LDLRAD4: variants seen among roughly 807,000 people sequenced by gnomAD.
The protein encoded by LDLRAD4 is low-density lipoprotein receptor class A domain-containing protein 4.
A neutral mutation model predicts 17.0 loss-of-function variants in LDLRAD4; 5 were observed. That is an observed-to-expected ratio of 0.29 (90% CI 0.15 to 0.62). The LOEUF is 0.62. LDLRAD4 is among the 20% of genes least tolerant of loss of function. The pLI, the probability that LDLRAD4 is intolerant of heterozygous loss-of-function variation, is 0.84. For missense variants in LDLRAD4, 340 were observed against 424.7 expected, an observed-to-expected ratio of 0.80 and a Z score of 1.75; for synonymous variants, 168 against 171.8, an observed-to-expected ratio of 0.98 and a Z score of 0.17.
At position 13,611,157 on chromosome 18, in the gene LDLRAD4, G is replaced by GAC. The variant is rs372307345; in HGVS notation, c.182-9959_182-9958dup. The GAC allele has an allele frequency of 2.0e-3, 304 of 154,496 alleles. 2 individuals are homozygous for GAC. The highest frequency in any genetic ancestry group is 6.8e-3 in the African/African-American group (285 of 41,662). The allele number at this position is 154,496 out of a possible 1,614,324, so 9.6% of individuals were successfully genotyped here. A position where few individuals can be genotyped will look rare whatever the true frequency, so the allele number is the denominator to read the frequency against. On this transcript the variant is annotated intron_variant, in intron 3 of 5. Transcript: ENST00000359446. ...CAGTCCCTGCTGTCATGCCCCAGGT[G>GAC]ACGTGCTGGGCTGACAGCAGGGCTG...
At chr18:13,349,652 C>T (rs910950225) in intron 1 of LDLRAD4, among the ~76,000 whole-genome samples, 2 of 152,108 alleles carry the variant, frequency 1.3e-5, no homozygotes, top group African/African-American at 4.8e-5. Context: ...TTCTGGGATA[C>T]AAGTGCAGAA....
chr18:13,417,548 T>G (rs1053285175), intron 2 of LDLRAD4, among the ~76,000 whole-genome samples: 12 of 151,724 alleles, frequency 7.9e-5, no homozygotes, highest in Admixed American at 7.2e-4. Flanking sequence ...TTCTCCTGCC[T>G]CAGCCTTCCA....
chr18:13,424,871 G>A (rs2089799117), intron 2 of LDLRAD4, among the ~76,000 whole-genome samples: 1 of 152,130 alleles, frequency 6.6e-6, no homozygotes, highest in Admixed American at 6.5e-5. Flanking sequence ...GAAGATGCTC[G>A]GGACCACATG....
intron 3 of LDLRAD4, among the ~76,000 whole-genome samples, chr18:13,451,981 C>T (rs761643695): frequency 1.3e-5 from 2 of 152,158 alleles, no homozygotes; most frequent in Non-Finnish European, 2.9e-5. Context: ...TCCACTAGAC[C>T]CTGTCCTCAC....
At chr18:13,475,343 C>A (rs567906232) in intron 3 of LDLRAD4, among the ~76,000 whole-genome samples, 1 of 152,040 alleles carries the variant, frequency 6.6e-6, no homozygotes, top group Non-Finnish European at 1.5e-5. Flanking sequence ...TTCACTGCAG[C>A]TTTGATCTCC....
At chr18:13,352,211 G>C (rs550733301) in intron 1 of LDLRAD4, among the ~76,000 whole-genome samples, 1 of 152,186 alleles carries the variant, frequency 6.6e-6, no homozygotes, top group African/African-American at 2.4e-5. Flanking sequence ...CACAAGACAA[G>C]GATACCCTTT....
intron 3 of LDLRAD4, among the ~76,000 whole-genome samples, chr18:13,544,185 C>A (rs1052238214): frequency 4.6e-5 from 7 of 152,216 alleles, no homozygotes; most frequent in African/African-American, 1.7e-4. Flanking sequence ...TAGTGAAAAA[C>A]GTGTTGATTG....
At chr18:13,247,930 T>C (rs2145780421) in intron 1 of LDLRAD4, among the ~76,000 whole-genome samples, 1 of 149,938 alleles carries the variant, frequency 6.7e-6, no homozygotes, top group South Asian at 2.1e-4. Flanking sequence ...TCAGAAAACC[T>C]GTCCAACTGC....
intron 2 of LDLRAD4, among the ~76,000 whole-genome samples, chr18:13,431,244 A>G (rs2090314816): frequency 6.6e-6 from 1 of 152,156 alleles, no homozygotes; most frequent in Non-Finnish European, 1.5e-5. Flanking sequence ...CTCTTCTCCC[A>G]TGTCCATTGC....
At chr18:13,380,646 C>T (rs879372649) in intron 1 of LDLRAD4, among the ~76,000 whole-genome samples, 1 of 152,190 alleles carries the variant, frequency 6.6e-6, no homozygotes, top group Non-Finnish European at 1.5e-5. Flanking sequence ...TTGAATATAG[C>T]CTCAGGATTT....
chr18:13,250,099 C>T (rs1364294618), intron 1 of LDLRAD4, among the ~76,000 whole-genome samples: 1 of 152,158 alleles, frequency 6.6e-6, no homozygotes, highest in African/African-American at 2.4e-5. Flanking sequence ...GTGTTCTTGG[C>T]CTCTTTGTCA....
At chr18:13,315,670 G>C (rs373327785) in intron 1 of LDLRAD4, among the ~76,000 whole-genome samples, 1 of 128,856 alleles carries the variant, frequency 7.8e-6, no homozygotes, top group Non-Finnish European at 1.6e-5. Flanking sequence ...TGTAATCCCA[G>C]CTACTTGGGA....
chr18:13,306,121 A>C (rs934489916), intron 1 of LDLRAD4, among the ~76,000 whole-genome samples: 1 of 152,254 alleles, frequency 6.6e-6, no homozygotes, highest in South Asian at 2.1e-4. Flanking sequence ...AGGTTTATAA[A>C]TGCAGATGAA....
intron 2 of LDLRAD4, among the ~76,000 whole-genome samples, chr18:13,414,526 C>T (rs1207102128): frequency 6.6e-6 from 1 of 152,258 alleles, no homozygotes; most frequent in African/African-American, 2.4e-5. Flanking sequence ...TTACTAATTA[C>T]ACGATTAACT....
chr18:13,252,449 C>T (rs1412266883), intron 1 of LDLRAD4, among the ~76,000 whole-genome samples: 1 of 152,230 alleles, frequency 6.6e-6, no homozygotes, highest in Admixed American at 6.5e-5. Flanking sequence ...ATTCACTGTG[C>T]ACACTTGGCC....
chr18:13,612,117 G>A, intron 3 of LDLRAD4: 1 of 985,760 alleles, frequency 1.0e-6, no homozygotes, highest in African/African-American at 1.7e-5. Flanking sequence ...AGAGATCAAG[G>A]GAAGGAGTAT....
intron 1 of LDLRAD4, among the ~76,000 whole-genome samples, chr18:13,356,730 C>T (rs1053970048): frequency 5.3e-5 from 8 of 152,182 alleles, no homozygotes; most frequent in African/African-American, 1.9e-4. Context: ...TTCCTCCCTC[C>T]AGGAGCACCC....
chr18:13,592,042 G>A (rs1418983794), intron 3 of LDLRAD4, among the ~76,000 whole-genome samples: 1 of 152,196 alleles, frequency 6.6e-6, no homozygotes, highest in Non-Finnish European at 1.5e-5. Flanking sequence ...AGCCAAAGGT[G>A]CACATGTGTC....
At chr18:13,396,238 G>A (rs940166469) in intron 2 of LDLRAD4, among the ~76,000 whole-genome samples, 3 of 152,018 alleles carry the variant, frequency 2.0e-5, no homozygotes, top group African/African-American at 4.8e-5. Context: ...GATTTCCTAG[G>A]GGCAAAAAAA....
Sources: allele counts gnomAD v4.1 joint callset (sites outside exome capture counted in the v4.1 genomes callset), GRCh38; gene constraint gnomAD v4.1.1; transcripts MANE v1.5; gene names NCBI Gene and HGNC (gene_info 2026-07-23, HGNC 2026-07-21).